CSGALNACT1: variants seen among roughly 807,000 people sequenced by gnomAD.
The protein encoded by CSGALNACT1 is chondroitin sulfate N-acetylgalactosaminyltransferase 1.
A neutral mutation model predicts 51.0 loss-of-function variants in CSGALNACT1; 52 were observed. The ratio of observed to expected loss-of-function variants is 1.02; its 90% CI spans 0.82 to 1.29. CSGALNACT1 has a LOEUF of 1.29. Among genes scored for constraint, CSGALNACT1 ranks in the 50% most tolerant of loss-of-function variants. The pLI is 0.00. For missense variants in CSGALNACT1, 935 were observed against 679.2 expected, an observed-to-expected ratio of 1.38 and a Z score of -4.19; for synonymous variants, 341 against 254.4, an observed-to-expected ratio of 1.34 and a Z score of -3.24.
chr8:19,614,657 T>TATATA (rs2052752371), intron 1 of CSGALNACT1, among the ~76,000 whole-genome samples: 1 of 152,198 alleles, frequency 6.6e-6, no homozygotes, highest in African/African-American at 2.4e-5. Flanking sequence ...ATATAGGGCC[T>TATATA]GGTACTGAAG....
At chr8:19,617,189 A>G (rs1336787555) in intron 1 of CSGALNACT1, among the ~76,000 whole-genome samples, 1 of 152,162 alleles carries the variant, frequency 6.6e-6, no homozygotes, top group East Asian at 1.9e-4. Context: ...TTCTATGAGA[A>G]TCTAATGTCG....
At chr8:19,717,046 A>G (rs2062851982) in intron 1 of CSGALNACT1, among the ~76,000 whole-genome samples, 1 of 152,266 alleles carries the variant, frequency 6.6e-6, no homozygotes, top group Non-Finnish European at 1.5e-5. Context: ...AAAAATTCAT[A>G]TTTAATTCAC....
intron 1 of CSGALNACT1, among the ~76,000 whole-genome samples, chr8:19,748,834 G>A (rs1003087897): frequency 2.0e-5 from 3 of 151,960 alleles, no homozygotes; most frequent in African/African-American, 7.3e-5. Context: ...GTGTGGTGGC[G>A]AGTGCCTGTA....
chr8:19,409,675 A>G (rs920358080), intron 8 of CSGALNACT1, among the ~76,000 whole-genome samples: 4 of 152,148 alleles, frequency 2.6e-5, no homozygotes, highest in Non-Finnish European at 5.9e-5. Context: ...CTCTGGGGAA[A>G]GGTAGAGAGG....
At chr8:19,517,527 T>C (rs1031336199) in intron 3 of CSGALNACT1, among the ~76,000 whole-genome samples, 2 of 152,178 alleles carry the variant, frequency 1.3e-5, no homozygotes, top group Non-Finnish European at 2.9e-5. Context: ...CACTGTGTAT[T>C]AGTCTGTTTT....
chr8:19,729,606 C>T (rs17091198), intron 1 of CSGALNACT1, among the ~76,000 whole-genome samples: 24,249 of 152,170 alleles, frequency 0.16, 2,552 homozygotes, highest in East Asian at 0.38. Context: ...TAGGACCTCA[C>T]CAAGGCCAAT....
chr8:19,566,815 A>C (rs1010699477), intron 3 of CSGALNACT1, among the ~76,000 whole-genome samples: 1 of 152,208 alleles, frequency 6.6e-6, no homozygotes, highest in Non-Finnish European at 1.5e-5. Context: ...CTACCCCTCA[A>C]CGATTCACGG....
chr8:19,606,647 G>A (rs1473880339), upstream of CSGALNACT1, among the ~76,000 whole-genome samples: 3 of 152,060 alleles, frequency 2.0e-5, no homozygotes, highest in Admixed American at 6.6e-5. Context: ...CAGACTCAAC[G>A]GAAACATATC....
At chr8:19,461,779 A>G (rs13268061) in intron 4 of CSGALNACT1, among the ~76,000 whole-genome samples, 2,991 of 55,810 alleles carry the variant, frequency 0.054, 528 homozygotes, top group African/African-American at 0.13. Context: ...TCTGCACAGC[A>G]GCCACATTCA....
Position 19,491,323 on chromosome 8 carries a change from A to G in CSGALNACT1, c.634+13878T>C, listed in dbSNP as rs150448056. 1.7e-3 allele frequency among the ~76,000 whole-genome samples: 264 copies of G among 152,292 alleles called. 2 individuals are homozygous for G. The highest frequency in any genetic ancestry group is 6.2e-3 in the African/African-American group (257 of 41,556). On this transcript the variant is annotated intron_variant, in intron 4 of 9. Transcript: ENST00000454498. ...AACTAATTGCTTCTCATTTTTCATT[A>G]TTATAAATACTTCTATGATATAAAT...
intron 1 of CSGALNACT1, among the ~76,000 whole-genome samples, chr8:19,666,831 G>GAGAGAGAGAGAAAGAAAGAA (rs1554794476): frequency 4.0e-5 from 1 of 24,908 alleles, no homozygotes; most frequent in Non-Finnish European, 7.5e-5. Flanking sequence ...GAGAGAGAGA[G>GAGAGAGAGAGAAAGAAAGAA]AGAAAGAAAG....
chr8:19,580,470 A>G (rs1457882797), intron 3 of CSGALNACT1, among the ~76,000 whole-genome samples: 2 of 152,214 alleles, frequency 1.3e-5, no homozygotes, highest in South Asian at 2.1e-4. Flanking sequence ...AAACAAACCA[A>G]ATGAAAACAG....
intron 1 of CSGALNACT1, among the ~76,000 whole-genome samples, chr8:19,680,496 C>T (rs2060516373): frequency 6.9e-6 from 1 of 145,614 alleles, no homozygotes; most frequent in Non-Finnish European, 1.5e-5. Flanking sequence ...GTGGAGGTTG[C>T]AGTCAGCAGA....
intron 8 of CSGALNACT1, among the ~76,000 whole-genome samples, chr8:19,414,990 T>C (rs972365463): frequency 6.6e-6 from 1 of 152,242 alleles, no homozygotes; most frequent in Non-Finnish European, 1.5e-5. Context: ...ATCTCCATTC[T>C]ATTACTTTCT....
At chr8:19,576,538 G>T (rs911369657) in intron 3 of CSGALNACT1, among the ~76,000 whole-genome samples, 1 of 151,928 alleles carries the variant, frequency 6.6e-6, no homozygotes, top group African/African-American at 2.4e-5. Flanking sequence ...TGATAAGATT[G>T]CTGTCACCTT....
At position 19,440,498 on chromosome 8, in the gene CSGALNACT1, C is replaced by A. The variant is rs566690151; in HGVS notation, c.852-567G>T. Among the ~76,000 whole-genome samples, 6 of 151,764 alleles carry A rather than the reference C, an allele frequency of 4.0e-5. No homozygotes were observed. The South Asian group carries it at 8.4e-4, about 21-fold the overall frequency. On this transcript the variant is annotated intron_variant, in intron 5 of 9. Coordinates refer to ENST00000454498, the Ensembl canonical transcript of CSGALNACT1. ...ATTATCTCAATAGATGCAGAAAAGG[C>A]CTTTGACAAAATTCAACAACCCTTC...
At chr8:19,487,484 T>A (rs557780615) in intron 4 of CSGALNACT1, among the ~76,000 whole-genome samples, 1 of 152,314 alleles carries the variant, frequency 6.6e-6, no homozygotes, top group East Asian at 1.9e-4. Flanking sequence ...GCGAGACACA[T>A]GAGCTCTGAG....
intron 1 of CSGALNACT1, among the ~76,000 whole-genome samples, chr8:19,734,505 G>C (rs968912910): frequency 2.0e-5 from 3 of 152,140 alleles, no homozygotes; most frequent in Admixed American, 6.5e-5. Context: ...ACATTGCTGG[G>C]CTGAGCTCTC....
rs1332898829 is a variant in CSGALNACT1 at position 19,461,481 on chromosome 8, A to G, written c.635-2839T>C. Among the ~76,000 whole-genome samples, 3 of 151,168 alleles carry G rather than the reference A, an allele frequency of 2.0e-5. 1 individual carries two copies. The South Asian group carries it at 6.3e-4, about 32-fold the overall frequency. On this transcript the variant is annotated intron_variant, in intron 4 of 9. Transcript: ENST00000454498. The stretch of plus-strand genomic sequence containing the variant: ...TGCACAGCAGCCACATTCACCAAGG[A>G]GGGCCTATCCGCACAGCAGCCACAT...
Sources: gnomAD v4.1 joint callset for allele counts (sites outside exome capture counted in the v4.1 genomes callset) on GRCh38, gnomAD v4.1.1 for gene constraint, MANE v1.5 for transcripts, NCBI Gene and HGNC (gene_info 2026-07-23, HGNC 2026-07-21) for gene names.